Variants in GAB1 observed in about 807,000 individuals in gnomAD.
GAB1 encodes the protein GRB2 associated binding protein 1.
A neutral mutation model predicts 66.5 loss-of-function variants in GAB1; 19 were observed. The observed-to-expected ratio is 0.29, with a 90% CI of 0.20 to 0.42. The LOEUF (loss-of-function observed/expected upper bound fraction) is 0.42, where lower values mean the gene tolerates loss of function less well. GAB1 is among the 10% of genes least tolerant of loss of function. The pLI is 1.00. For synonymous variants in GAB1, 294 were observed against 301.4 expected, an observed-to-expected ratio of 0.98 and a Z score of 0.25; for missense variants, 732 against 858.5, an observed-to-expected ratio of 0.85 and a Z score of 1.84.
At chr4:143,369,820 C>T (rs568209870) in intron 1 of GAB1, among the ~76,000 whole-genome samples, 22 of 152,344 alleles carry the variant, frequency 1.4e-4, no homozygotes, top group African/African-American at 5.3e-4. Flanking sequence ...CGTTGTGACC[C>T]GTGCCTATTG....
intron 1 of GAB1, among the ~76,000 whole-genome samples, chr4:143,352,669 G>A (rs1168067325): frequency 6.6e-6 from 1 of 152,150 alleles, no homozygotes; most frequent in East Asian, 1.9e-4. Flanking sequence ...TTTCTAACTT[G>A]AACCCCTGCT....
Position 143,459,392 on chromosome 4 carries a change from A to T in GAB1, c.1593A>T (p.Pro531=). 1 of 1,598,440 alleles carries T rather than the reference A, an allele frequency of 6.3e-7. No individual in the cohort carries two copies. The highest frequency in any genetic ancestry group is 8.6e-7 in the Non-Finnish European group (1 of 1,165,930). The change falls in exon 7 of 10, where the codon CCA becomes CCT. Residue 531 remains proline (P), a synonymous_variant. Coordinates refer to ENST00000262994, the MANE Select transcript of GAB1 (RefSeq NM_002039.4). ...RNLKPDRKVK[P]APLEIKPLPE... ...TTCTCTTTTTCTTTTCAGTCAAGCC[A>T]GCGCCTTTAGAAATAAAACCTTTGC...
intron 1 of GAB1, among the ~76,000 whole-genome samples, chr4:143,350,695 A>G (rs867193279): frequency 1.8e-3 from 267 of 151,574 alleles, no homozygotes; most frequent in African/African-American, 3.9e-3. Context: ...AAAAAAAAAA[A>G]AAAGAAAGAC....
At chr4:143,358,842 C>T (rs760454562) in intron 1 of GAB1, among the ~76,000 whole-genome samples, 5 of 152,120 alleles carry the variant, frequency 3.3e-5, no homozygotes, top group African/African-American at 4.8e-5. Context: ...TGTGGGGATA[C>T]GTAGAATTTT....
chr4:143,443,263 G>C (rs1734338066), intron 6 of GAB1, among the ~76,000 whole-genome samples: 1 of 152,008 alleles, frequency 6.6e-6, no homozygotes, highest in Non-Finnish European at 1.5e-5. Flanking sequence ...GGATCTACCT[G>C]CCTCGGCCTT....
At chr4:143,423,383 T>C (rs1259736212) in intron 2 of GAB1, among the ~76,000 whole-genome samples, 2 of 152,092 alleles carry the variant, frequency 1.3e-5, no homozygotes, top group East Asian at 3.9e-4. Flanking sequence ...AGTTTTTCTG[T>C]AGTTATTGCC....
At chr4:143,367,388 A>G (rs1455544915) in intron 1 of GAB1, among the ~76,000 whole-genome samples, 2 of 152,216 alleles carry the variant, frequency 1.3e-5, no homozygotes, top group African/African-American at 4.8e-5. Flanking sequence ...TTATTTATAC[A>G]ATATACTTAG....
intron 2 of GAB1, among the ~76,000 whole-genome samples, chr4:143,432,325 T>C (rs1264933624): frequency 6.6e-6 from 1 of 152,196 alleles, no homozygotes; most frequent in Non-Finnish European, 1.5e-5. Context: ...CATCTTACCC[T>C]TTCTCATGCC....
At chr4:143,434,177 G>T (rs1252721487) in intron 3 of GAB1, 4 of 1,260,348 alleles carry the variant, frequency 3.2e-6, no homozygotes, top group Non-Finnish European at 4.1e-6. Context: ...CAGTGAGTGT[G>T]TTGTGGTGGT....
intron 6 of GAB1, among the ~76,000 whole-genome samples, chr4:143,442,597 A>G (rs1384106447): frequency 6.6e-6 from 1 of 152,136 alleles, no homozygotes; most frequent in Non-Finnish European, 1.5e-5. Flanking sequence ...ATTATGATAT[A>G]TATTTTATGT....
Position 143,440,296 on chromosome 4 carries a change from G to A in GAB1, c.1499G>A (p.Ser500Asn), listed in dbSNP as rs887516640. The change falls in exon 6 of 10, where the codon AGC (serine) becomes AAC (asparagine). Residue 500 changes from serine to asparagine, a missense_variant. This residue lies in a region of GAB1 where 204 missense variants were observed against 276.8 expected (regional missense o/e 0.74). Coordinates refer to ENST00000262994, the MANE Select transcript of GAB1 (RefSeq NM_002039.4). ...PPPAHMGFRS[S>N]PKTPPRRPVP... ...CCTGCTCATATGGGCTTCAGGTCCA[G>A]CCCAAAAACCCCTCCCAGAAGGCCA... The A allele has an allele frequency of 1.2e-6, 2 of 1,614,064 alleles. No individual in the cohort carries two copies. Among genetic ancestry groups the A allele is most frequent in the East Asian group, 2.2e-5 (1 of 44,860 alleles).
At chr4:143,342,138 A>G (rs977745997) in intron 1 of GAB1, among the ~76,000 whole-genome samples, 8 of 152,208 alleles carry the variant, frequency 5.3e-5, no homozygotes, top group Non-Finnish European at 1.2e-4. Context: ...ATGGTTAATG[A>G]TAGTTCATTT....
Position 143,337,207 on chromosome 4 carries a change from G to C in GAB1, c.19G>C (p.Val7Leu). 6 of 1,584,396 alleles carry C rather than the reference G, an allele frequency of 3.8e-6. No individual in the cohort carries two copies. The highest frequency in any genetic ancestry group is 5.1e-6 in the Non-Finnish European group (6 of 1,165,116). Reference sequence around the variant, plus strand: ...GCGCACCATGAGCGGTGGTGAAGTGGTCTGCTCCGGATGGCTCCGCAAGTC... The same window carrying C: ...GCGCACCATGAGCGGTGGTGAAGTGCTCTGCTCCGGATGGCTCCGCAAGTC... Reference protein sequence around the residue: MSGGEVVCSGWLRKSPP... With the variant: MSGGEVLCSGWLRKSPP... Residue 7 changes from valine to leucine, a missense_variant, in exon 1 of 10, where the codon GTC (valine) becomes CTC (leucine). Val to Leu is a conservative substitution (Grantham distance 32). This residue lies in a region of GAB1 where 35 missense variants were observed against 30.8 expected (regional missense o/e 1.13). Coordinates refer to ENST00000262994, the MANE Select transcript of GAB1 (RefSeq NM_002039.4).
At position 143,469,280 on chromosome 4, in the gene GAB1, AG is replaced by A; in HGVS notation, c.*92del. ...ATGACTTGACACTTCCACTCTAGGT[AG>A]ATCCTCAAATGAGTAGAGTTGAAGT... On this transcript the variant is annotated 3_prime_UTR_variant, in exon 10 of 10. Coordinates refer to ENST00000262994, the MANE Select transcript of GAB1 (RefSeq NM_002039.4). 1.5e-6 allele frequency: 2 copies of A among 1,316,050 alleles called. No homozygotes were observed. Among genetic ancestry groups the A allele is most frequent in the Non-Finnish European group, 2.1e-6 (2 of 955,478 alleles). The allele number at this position is 1,316,050 out of a possible 1,614,324, so 81.5% of individuals were successfully genotyped here.
intron 1 of GAB1, among the ~76,000 whole-genome samples, chr4:143,371,598 G>A (rs1488641832): frequency 6.6e-6 from 1 of 152,116 alleles, no homozygotes; most frequent in Non-Finnish European, 1.5e-5. Context: ...CATTGCTTTT[G>A]GTGTTTTAGT....
At chr4:143,371,029 A>G (rs1327897148) in intron 1 of GAB1, among the ~76,000 whole-genome samples, 1 of 152,220 alleles carries the variant, frequency 6.6e-6, no homozygotes, top group Non-Finnish European at 1.5e-5. Flanking sequence ...GTGTCTTTAT[A>G]GCAGCATGAT....
intron 6 of GAB1, among the ~76,000 whole-genome samples, chr4:143,448,883 G>A (rs1157969891): frequency 6.6e-6 from 1 of 151,062 alleles, no homozygotes. Flanking sequence ...TGTGATGTTA[G>A]GGTGTCAATT....
chr4:143,394,436 A>G (rs994573256), intron 1 of GAB1, among the ~76,000 whole-genome samples: 2 of 152,236 alleles, frequency 1.3e-5, no homozygotes, highest in Non-Finnish European at 2.9e-5. Context: ...CTTCCATTTG[A>G]AGAAAAGCCT....
At chr4:143,369,240 C>A (rs1730015572) in intron 1 of GAB1, among the ~76,000 whole-genome samples, 1 of 152,022 alleles carries the variant, frequency 6.6e-6, no homozygotes, top group African/African-American at 2.4e-5. Flanking sequence ...CGCACCCGGC[C>A]ATTTTTTTGT....
Sources: allele counts gnomAD v4.1 joint callset (sites outside exome capture counted in the v4.1 genomes callset), GRCh38; gene constraint gnomAD v4.1.1; regional missense constraint gnomAD v4.1.1; transcripts MANE v1.5; gene names NCBI Gene and HGNC (gene_info 2026-07-23, HGNC 2026-07-21).